The following SMS variants were observed in gnomAD, a reference collection of about 807,000 sequenced individuals.
SMS encodes spermine synthase.
SMS carries 3 observed loss-of-function variants against 33.0 expected under a neutral mutation model. The ratio of observed to expected loss-of-function variants is 0.09; its 90% CI spans 0.04 to 0.23. The LOEUF is 0.23. SMS is among the 10% of genes least tolerant of loss of function. The probability of loss-of-function intolerance (pLI) is 1.00; values close to 1 mark genes in which losing one functional copy is unlikely to be tolerated. For missense variants in SMS, 117 were observed against 288.6 expected (o/e 0.41, Z 4.31); for synonymous variants, 103 against 112.2 (o/e 0.92, Z 0.52).
chrX:21,978,489 T>C (rs755616044), intron 6 of SMS, among the ~76,000 whole-genome samples: 2 of 111,418 alleles, frequency 1.8e-5, no homozygotes, highest in African/African-American at 3.3e-5. Flanking sequence ...ACAGGAGAAT[T>C]GCTTGAACCC....
At chrX:21,976,986 GCA>G (rs769515622) in intron 4 of SMS, 73 bp from the exon 5 acceptor site, 3 of 1,009,418 alleles carry the variant, frequency 3.0e-6, no homozygotes, top group Non-Finnish European at 4.2e-6. Context: ...GCTTTCTTTT[GCA>G]CACTCTTCAT....
rs1187370446 is a variant in SMS, at chrX:21,940,717, C to T, written c.-108C>T. On this transcript the variant is annotated 5_prime_UTR_variant, in exon 1 of 11. Coordinates refer to ENST00000404933, the MANE Select transcript of SMS (RefSeq NM_004595.5). ...GGCCCCTCCCACCTCCTAGTCCTGG[C>T]CTCCCCGGGCGCAGCACACTCCCAG... 6.4e-6 allele frequency: 4 copies of T among 625,433 alleles called. No homozygotes were observed. The highest frequency in any genetic ancestry group is 6.5e-5 in the Admixed American group (2 of 30,665). 51.5% of individuals were successfully genotyped at this position (625,433 alleles called of 1,213,427 possible). A position where few individuals can be genotyped will look rare whatever the true frequency, so the allele number is the denominator to read the frequency against.
intron 1 of SMS, among the ~76,000 whole-genome samples, chrX:21,948,931 C>T (rs1922422465): frequency 8.9e-6 from 1 of 111,922 alleles, no homozygotes; most frequent in Non-Finnish European, 1.9e-5. Context: ...ATTGAATCTG[C>T]GAACCACGTA....
At chrX:21,974,297 T>TG (rs1236666066) in intron 4 of SMS, among the ~76,000 whole-genome samples, 1 of 112,260 alleles carries the variant, frequency 8.9e-6, no homozygotes, top group Non-Finnish European at 1.9e-5. Flanking sequence ...AGCAGGAAAC[T>TG]GAAAGTGAAA....
At chrX:21,941,376 C>A in intron 1 of SMS, 1 of 234,924 alleles carries the variant, frequency 4.3e-6, no homozygotes, top group Non-Finnish European at 7.9e-6. Flanking sequence ...GGGTAAATTT[C>A]CCTCTTGGGG....
At chrX:21,956,890 A>G (rs1475683317) in intron 1 of SMS, among the ~76,000 whole-genome samples, 3 of 112,130 alleles carry the variant, frequency 2.7e-5, no homozygotes, top group South Asian at 7.4e-4. Flanking sequence ...CCCTGTCTGT[A>G]TTTTGCAGCC....
intron 1 of SMS, among the ~76,000 whole-genome samples, chrX:21,954,844 A>G (rs1437781934): frequency 3.6e-5 from 4 of 111,144 alleles, no homozygotes; most frequent in Non-Finnish European, 5.7e-5. Flanking sequence ...CCCTTGAAGT[A>G]TTGTTTTTTT....
intron 1 of SMS, among the ~76,000 whole-genome samples, chrX:21,958,270 A>T (rs1012569480): frequency 8.9e-6 from 1 of 111,942 alleles, no homozygotes; most frequent in African/African-American, 3.2e-5. Flanking sequence ...TAAGTCTTTG[A>T]TCCACCTTAA....
intron 9 of SMS, among the ~76,000 whole-genome samples, chrX:21,989,633 C>T (rs1026219310): frequency 1.8e-5 from 2 of 112,019 alleles, no homozygotes; most frequent in African/African-American, 6.5e-5. Flanking sequence ...CATTAGTGGG[C>T]ATAAAGAAAT....
intron 1 of SMS, among the ~76,000 whole-genome samples, chrX:21,961,227 T>C (rs1485727196): frequency 2.8e-5 from 3 of 109,039 alleles, no homozygotes; most frequent in Non-Finnish European, 5.7e-5. Context: ...CTGGGTTCTA[T>C]ATAGGAACCC....
intron 2 of SMS, among the ~76,000 whole-genome samples, chrX:21,967,790 G>A (rs1366678627): frequency 8.9e-6 from 1 of 112,539 alleles, no homozygotes; most frequent in East Asian, 2.8e-4. Context: ...GGTGAGCCCC[G>A]CTCTTGGCGG....
rs1489098698 is a variant in SMS, at chrX:21,994,801, A to G, written c.*450A>G. 2 of 753,152 alleles carry G rather than the reference A, an allele frequency of 2.7e-6. No homozygotes were observed. The highest frequency in any genetic ancestry group is 4.6e-5 in the African/African-American group (2 of 43,012). 62.1% of individuals were successfully genotyped at this position (753,152 alleles called of 1,213,427 possible). ...GTGCTTATAAGAGAGAGTTAAAAAA[A>G]AATAGGATTGCTTCAATTAAAATTA... On this transcript the variant is annotated 3_prime_UTR_variant, in exon 11 of 11. Coordinates refer to ENST00000404933, the MANE Select transcript of SMS (RefSeq NM_004595.5).
chrX:21,973,040 G>T (rs928034567), intron 4 of SMS, among the ~76,000 whole-genome samples: 5 of 111,198 alleles, frequency 4.5e-5, no homozygotes, highest in African/African-American at 1.6e-4. Context: ...GAACTACTGG[G>T]CCCCTCACAC....
intron 9 of SMS, among the ~76,000 whole-genome samples, chrX:21,990,042 C>T (rs746516478): frequency 2.7e-5 from 3 of 111,929 alleles, no homozygotes; most frequent in Non-Finnish European, 5.6e-5. Flanking sequence ...ACACCTGGCC[C>T]CTTAAACCTT....
At chrX:21,983,681 G>A (rs10521911) in intron 7 of SMS, among the ~76,000 whole-genome samples, 23,033 of 110,107 alleles carry the variant, frequency 0.21, 2,145 homozygotes, top group African/African-American at 0.35. Context: ...TTTGAGTAAG[G>A]TGCAAAAGTG....
At chrX:21,944,560 C>G (rs1392646795) in intron 1 of SMS, among the ~76,000 whole-genome samples, 1 of 80,831 alleles carries the variant, frequency 1.2e-5, no homozygotes, top group African/African-American at 4.6e-5. Flanking sequence ...AAAAATTAGC[C>G]AGGTGTGGTG....
intron 1 of SMS, among the ~76,000 whole-genome samples, chrX:21,953,589 A>G (rs188870045): frequency 8.9e-6 from 1 of 111,939 alleles, no homozygotes; most frequent in East Asian, 2.8e-4. Context: ...TCTTGCATAC[A>G]ACTGAGTTTC....
intron 7 of SMS, among the ~76,000 whole-genome samples, chrX:21,979,833 G>A (rs1012443353): frequency 2.4e-4 from 26 of 107,967 alleles, no homozygotes; most frequent in Non-Finnish European, 4.6e-4. Flanking sequence ...GTATAAAAGT[G>A]TTCCTATTTC....
At chrX:21,978,853 A>G in intron 6 of SMS, 24 bp from the exon 7 acceptor site, 1 of 1,112,700 alleles carries the variant, frequency 9.0e-7, no homozygotes, top group Non-Finnish European at 1.2e-6. Flanking sequence ...GATATACCCA[A>G]ATTCTCCTTA....
Sources: allele counts gnomAD v4.1 joint callset (sites outside exome capture counted in the v4.1 genomes callset), GRCh38; gene constraint gnomAD v4.1.1; transcripts MANE v1.5; gene names NCBI Gene and HGNC (gene_info 2026-07-23, HGNC 2026-07-21).